Variants in SOX6 observed in about 807,000 individuals in gnomAD.
The protein encoded by SOX6 is transcription factor SOX-6.
SOX6 carries 11 observed loss-of-function variants against 97.8 expected under a neutral mutation model. That is an observed-to-expected ratio of 0.11 (90% CI 0.07 to 0.19). The LOEUF is 0.19. SOX6 is among the 10% of genes least tolerant of loss of function. The pLI, the probability that SOX6 is intolerant of heterozygous loss-of-function variation, is 1.00. For synonymous variants in SOX6, 360 were observed against 371.4 expected (o/e 0.97, Z 0.35); for missense variants, 810 against 1,039.5 (o/e 0.78, Z 3.04).
chr11:16,639,758 T>C (rs1466721224), intron 3 of SOX6, among the ~76,000 whole-genome samples: 1 of 152,188 alleles, frequency 6.6e-6, no homozygotes, highest in Non-Finnish European at 1.5e-5. Context: ...CACATTGATT[T>C]TGTATCCTGA....
At chr11:16,538,308 A>G (rs988655342) in intron 4 of SOX6, among the ~76,000 whole-genome samples, 1 of 152,218 alleles carries the variant, frequency 6.6e-6, no homozygotes, top group Admixed American at 6.5e-5. Flanking sequence ...CCTGCCTTAC[A>G]AGAGCTCCTG....
intron 1 of SOX6, among the ~76,000 whole-genome samples, chr11:16,473,931 C>A (rs1054509944): frequency 6.6e-6 from 1 of 152,180 alleles, no homozygotes; most frequent in African/African-American, 2.4e-5. Flanking sequence ...TGGGTCAATC[C>A]TCTCAAACTC....
chr11:16,551,118 G>C (rs554016768), intron 4 of SOX6, among the ~76,000 whole-genome samples: 1 of 152,296 alleles, frequency 6.6e-6, no homozygotes, highest in East Asian at 1.9e-4. Context: ...GGCTGAAGCA[G>C]AAGGATAGCT....
chr11:16,735,494 T>A lies in SOX6; in HGVS notation n.353+845A>T, dbSNP rs770777274. Among the ~76,000 whole-genome samples the A allele has an allele frequency of 3.1e-4, 47 of 152,142 alleles. 1 individual carries two copies. The highest frequency in any genetic ancestry group is 1.0e-4 in the Non-Finnish European group (7 of 67,994). ...GCTGTAAACTCTTTGCAGTAAAGGA[T>A]TATGCATTATTCACTCTGGTTTTCC... is the stretch of plus-strand genomic sequence containing the variant. On this transcript the variant is annotated intron_variant and non_coding_transcript_variant, in intron 2 of 5. Coordinates refer to the SOX6 transcript ENST00000524520.
chr11:16,035,120 T>A (rs7120852), intron 12 of SOX6, among the ~76,000 whole-genome samples: 7,582 of 152,234 alleles, frequency 0.05, 614 homozygotes, highest in African/African-American at 0.17. Flanking sequence ...TTACACGCAT[T>A]GTGCAGTCAC....
At position 16,022,373 on chromosome 11, in the gene SOX6, T is replaced by TCCTTCCTTCCTC. The variant is rs1485049397; in HGVS notation, c.1624-7324_1624-7323insGAGGAAGGAAGG. On this transcript the variant is annotated intron_variant, in intron 12 of 15. Transcript: ENST00000683767. The stretch of plus-strand genomic sequence containing the variant: ...TTCCTTCCTTCCTTCCTTCCTTCCT[T>TCCTTCCTTCCTC]CCTCCCTCCCTCCCTTCCTCTCTCT... Among the ~76,000 whole-genome samples the TCCTTCCTTCCTC allele has an allele frequency of 3.7e-3, 491 of 132,556 alleles. 6 individuals are homozygous for TCCTTCCTTCCTC. The East Asian group carries it at 0.045, about 12-fold the overall frequency. 87.0% of individuals were successfully genotyped at this position (132,556 alleles called of 152,430 possible).
At chr11:16,486,355 C>A (rs942520092) in intron 4 of SOX6, among the ~76,000 whole-genome samples, 6 of 152,098 alleles carry the variant, frequency 3.9e-5, no homozygotes, top group African/African-American at 7.2e-5. Context: ...CTTTTCTTAT[C>A]AAAATACACT....
intron 3 of SOX6, among the ~76,000 whole-genome samples, chr11:16,624,042 T>C (rs1458033189): frequency 6.6e-6 from 1 of 152,240 alleles, no homozygotes; most frequent in Non-Finnish European, 1.5e-5. Context: ...AGATTAGTTT[T>C]GCCTATTCTT....
chr11:16,378,705 G>C (rs1048226602), intron 1 of SOX6, among the ~76,000 whole-genome samples: 1 of 151,832 alleles, frequency 6.6e-6, no homozygotes, highest in African/African-American at 2.4e-5. Context: ...AGATAGGAAA[G>C]ACATTTCTAA....
intron 3 of SOX6, among the ~76,000 whole-genome samples, chr11:16,275,285 CAAAAAAA>C (rs869208945): frequency 8.1e-6 from 1 of 123,064 alleles, no homozygotes; most frequent in African/African-American, 3.3e-5. Context: ...ACCAAAAATA[CAAAAAAA>C]AAAAAAAAAA....
chr11:16,602,702 A>C (rs1410242310), intron 4 of SOX6, among the ~76,000 whole-genome samples: 2 of 152,142 alleles, frequency 1.3e-5, no homozygotes, highest in Non-Finnish European at 2.9e-5. Flanking sequence ...TCCCACCAAG[A>C]AAGGTGCACT....
chr11:16,139,134 C>T (rs1051590459), intron 6 of SOX6, among the ~76,000 whole-genome samples: 7 of 152,106 alleles, frequency 4.6e-5, no homozygotes, highest in African/African-American at 1.4e-4. Context: ...TCAATTTATC[C>T]CATCACTGTT....
intron 3 of SOX6, among the ~76,000 whole-genome samples, chr11:16,299,755 A>G (rs866389557): frequency 1.3e-5 from 2 of 152,188 alleles, no homozygotes; most frequent in Middle Eastern, 3.4e-3. Context: ...TGTATTACCC[A>G]TGCTTTACCA....
At chr11:16,653,499 T>C (rs1295556607) in intron 3 of SOX6, among the ~76,000 whole-genome samples, 1 of 152,164 alleles carries the variant, frequency 6.6e-6, no homozygotes, top group Non-Finnish European at 1.5e-5. Context: ...GAGACCATTA[T>C]TCTAAATAAA....
At chr11:16,103,247 A>G (rs1848994211) in intron 7 of SOX6, among the ~76,000 whole-genome samples, 2 of 152,028 alleles carry the variant, frequency 1.3e-5, no homozygotes, top group Admixed American at 1.3e-4. Context: ...GAAGATACAC[A>G]AATGGCCAAT....
intron 12 of SOX6, among the ~76,000 whole-genome samples, chr11:16,037,820 T>C (rs1028111314): frequency 6.6e-6 from 1 of 152,112 alleles, no homozygotes; most frequent in African/African-American, 2.4e-5. Context: ...ATGTGCCCCA[T>C]CCACAAACAC....
At chr11:16,690,269 G>A (rs1479040533) in intron 3 of SOX6, among the ~76,000 whole-genome samples, 1 of 152,118 alleles carries the variant, frequency 6.6e-6, no homozygotes, top group Admixed American at 6.5e-5. Context: ...AGTGTGCTAA[G>A]AGATACATCA....
intron 4 of SOX6, among the ~76,000 whole-genome samples, chr11:16,519,007 T>C (rs1050794581): frequency 5.3e-5 from 8 of 152,160 alleles, no homozygotes; most frequent in Non-Finnish European, 1.2e-4. Context: ...ACCTCTCCTT[T>C]CTACTTATGT....
Position 16,183,895 on chromosome 11 carries a change from T to C in SOX6, c.768A>G (p.Gln256=). 2 of 1,612,050 alleles carry C rather than the reference T, an allele frequency of 1.2e-6. No homozygotes were observed. The highest frequency in any genetic ancestry group is 8.5e-7 in the Non-Finnish European group (1 of 1,178,456). The change falls in exon 6 of 16, where the codon CAA becomes CAG. Residue 256 remains glutamine, a synonymous_variant. Coordinates refer to ENST00000683767, the MANE Select transcript of SOX6 (RefSeq NM_001367873.1). ...QQQHKINLLQ[Q]QIQVQGHMPP... is the part of the protein sequence containing the mutation. ...AATAAAATACACTGACCTGGATCTG[T>C]TGCTGCAGGAGATTAATTTTGTGCT...
Sources: allele counts gnomAD v4.1 joint callset (sites outside exome capture counted in the v4.1 genomes callset), GRCh38; gene constraint gnomAD v4.1.1; transcripts MANE v1.5; gene names NCBI Gene and HGNC (gene_info 2026-07-23, HGNC 2026-07-21).